RHOBTB3: variants seen among roughly 807,000 people sequenced by gnomAD.
RHOBTB3 encodes the protein rho-related BTB domain-containing protein 3.
A neutral mutation model predicts 67.2 loss-of-function variants in RHOBTB3; 47 were observed. The ratio of observed to expected loss-of-function variants is 0.70; its 90% confidence interval spans 0.55 to 0.89. The LOEUF is 0.89. Ranked by LOEUF, RHOBTB3 falls within the 40% of genes least tolerant of loss-of-function variation. The pLI is 0.00. For missense variants in RHOBTB3, 631 were observed against 750.0 expected, an observed-to-expected ratio of 0.84 and a Z score of 1.85; for synonymous variants, 273 against 274.2, an observed-to-expected ratio of 1.00 and a Z score of 0.04.
chr5:95,754,872 C>T (rs1474481317), intron 5 of RHOBTB3, among the ~76,000 whole-genome samples: 1 of 152,180 alleles, frequency 6.6e-6, no homozygotes, highest in African/African-American at 2.4e-5. Context: ...AGAAGTTGCA[C>T]AATTTTAACA....
At chr5:95,774,154 T>A (rs979439502) in intron 8 of RHOBTB3, among the ~76,000 whole-genome samples, 8 of 151,920 alleles carry the variant, frequency 5.3e-5, no homozygotes, top group Non-Finnish European at 1.0e-4. Context: ...ATTATGAACA[T>A]TTTTTTTAGA....
chr5:95,784,048 C>A, intron 10 of RHOBTB3, 85 bp downstream of exon 10: 3 of 1,142,532 alleles, frequency 2.6e-6, no homozygotes, highest in South Asian at 2.0e-5. Flanking sequence ...CATTTTTTAA[C>A]ATACGTTAAT....
Position 95,731,513 on chromosome 5 carries a change from C to G in RHOBTB3, c.-170C>G, listed in dbSNP as rs1257435274. 9.6e-6 allele frequency: 12 copies of G among 1,256,084 alleles called. No individual in the cohort carries two copies. The highest frequency in any genetic ancestry group is 1.1e-5 in the Non-Finnish European group (11 of 1,004,386). 77.8% of individuals were successfully genotyped at this position (1,256,084 alleles called of 1,614,324 possible). On this transcript the variant is annotated 5_prime_UTR_variant, in exon 1 of 12. Coordinates refer to ENST00000379982, the MANE Select transcript of RHOBTB3 (RefSeq NM_014899.4). ...CCCTGGTCCCCGGCTCGCTCGCTGG[C>G]TGGCGCGGCCCCGGCCCCGCTCTGC...
chr5:95,764,415 A>T (rs1318421810), intron 7 of RHOBTB3, among the ~76,000 whole-genome samples: 1 of 152,240 alleles, frequency 6.6e-6, no homozygotes, highest in African/African-American at 2.4e-5. Flanking sequence ...GATCTCATCA[A>T]TTATAGGTTC....
rs1003829979 is a variant in RHOBTB3, at chr5:95,795,925, G to A, written c.*2751G>A. 6.6e-6 allele frequency: 1 copy of A among 152,024 alleles called. No homozygotes were observed. Among genetic ancestry groups the A allele is most frequent in the African/African-American group, 2.4e-5 (1 of 41,436 alleles). The allele number at this position is 152,024 out of a possible 1,614,324, so 9.4% of individuals were successfully genotyped here. A position where few individuals can be genotyped will look rare whatever the true frequency, so the allele number is the denominator to read the frequency against. ...AGAAGATACTCTATGGTAGAACTAA[G>A]GCCTTTCCTTTCTTGGCCAAAGTCT... On this transcript the variant is annotated 3_prime_UTR_variant, in exon 12 of 12. Transcript: ENST00000379982.
chr5:95,793,893 T>C lies in RHOBTB3; in HGVS notation c.*719T>C, dbSNP rs1326525713. On this transcript the variant is annotated 3_prime_UTR_variant, in exon 12 of 12. Transcript: ENST00000379982. ...GTTCAAGGCTCTGCTATAGCGGAAA[T>C]TCTTAATAATGTTTGAAGAAGGGCC... 1 of 426,864 alleles carries C rather than the reference T, an allele frequency of 2.3e-6. No individual in the cohort carries two copies. The highest frequency in any genetic ancestry group is 2.0e-5 in the African/African-American group (1 of 48,884). 26.4% of individuals were successfully genotyped at this position (426,864 alleles called of 1,614,324 possible).
rs1386834933 is a variant in RHOBTB3, at chr5:95,794,031, A to T, written c.*857A>T. ...TCTCTGAAAGCAGAAAAAGGCACTG[A>T]TATAAAGGGAAGAGAAGGAGGCTCA... On this transcript the variant is annotated 3_prime_UTR_variant, in exon 12 of 12. Transcript: ENST00000379982. 2 of 456,264 alleles carry T rather than the reference A, an allele frequency of 4.4e-6. No individual in the cohort carries two copies. Among genetic ancestry groups the T allele is most frequent in the Admixed American group, 2.3e-5 (1 of 42,588 alleles). The allele number at this position is 456,264 out of a possible 1,614,324, so 28.3% of individuals were successfully genotyped here. A position where few individuals can be genotyped will look rare whatever the true frequency, so the allele number is the denominator to read the frequency against.
chr5:95,772,604 G>T (rs75236065), intron 8 of RHOBTB3, among the ~76,000 whole-genome samples: 3,072 of 152,086 alleles, frequency 0.02, 109 homozygotes, highest in African/African-American at 0.07. Context: ...CTCATTCTTT[G>T]TGTGTGTGCT....
intron 8 of RHOBTB3, among the ~76,000 whole-genome samples, chr5:95,776,189 C>T (rs1246421272): frequency 4.6e-5 from 7 of 152,102 alleles, no homozygotes; most frequent in Non-Finnish European, 8.8e-5. Context: ...GGTGGATCAC[C>T]TGAGGTCGGG....
chr5:95,782,454 G>A (rs1213176457), intron 9 of RHOBTB3: 1 of 152,184 alleles, frequency 6.6e-6, no homozygotes, highest in Non-Finnish European at 1.5e-5. Flanking sequence ...TGGAGATGGT[G>A]GTGGTGATGA....
intron 6 of RHOBTB3, 54 bp downstream of exon 6, chr5:95,755,815 A>T: frequency 6.3e-7 from 1 of 1,583,654 alleles, no homozygotes; most frequent in African/African-American, 1.3e-5. Flanking sequence ...TTGGAAATGA[A>T]ATGTGCCTGT....
chr5:95,732,367 G>C (rs1322691284), intron 2 of RHOBTB3: 3 of 577,282 alleles, frequency 5.2e-6, no homozygotes, highest in Non-Finnish European at 9.2e-6. Flanking sequence ...GCAGACAGTT[G>C]AATGTGCCAA....
At chr5:95,741,066 C>T (rs946377253) in intron 3 of RHOBTB3, among the ~76,000 whole-genome samples, 3 of 152,086 alleles carry the variant, frequency 2.0e-5, no homozygotes, top group Non-Finnish European at 2.9e-5. Flanking sequence ...CAGTGGCTCA[C>T]GCCTGTAATC....
intron 3 of RHOBTB3, among the ~76,000 whole-genome samples, chr5:95,740,848 T>C (rs1239138824): frequency 6.6e-6 from 1 of 152,072 alleles, no homozygotes; most frequent in Non-Finnish European, 1.5e-5. Context: ...CCCTAGATTT[T>C]ATAAACACAC....
intron 6 of RHOBTB3, chr5:95,755,990 T>C (rs1304386557): frequency 6.3e-6 from 3 of 477,006 alleles, no homozygotes; most frequent in African/African-American, 3.9e-5. Flanking sequence ...TTCATTTTAT[T>C]GTGGTAAAAT....
intron 4 of RHOBTB3, among the ~76,000 whole-genome samples, chr5:95,751,101 G>T (rs2112794534): frequency 6.6e-6 from 1 of 152,292 alleles, no homozygotes; most frequent in African/African-American, 2.4e-5. Flanking sequence ...GCAAGCTAGG[G>T]CACAGGCCTG....
chr5:95,721,100 T>C (rs190400499), intron 1 of RHOBTB3, among the ~76,000 whole-genome samples: 40 of 152,298 alleles, frequency 2.6e-4, no homozygotes, highest in Non-Finnish European at 4.3e-4. Context: ...ACACTATGAC[T>C]TAAAGGCAAA....
chr5:95,750,447 A>G (rs2112793780), intron 4 of RHOBTB3, among the ~76,000 whole-genome samples: 1 of 152,362 alleles, frequency 6.6e-6, no homozygotes, highest in African/African-American at 2.4e-5. Flanking sequence ...GAATTGAAAT[A>G]AAACCAAGTA....
rs57120385 is a variant in RHOBTB3, at chr5:95,722,774, C to T, written n.133+5009C>T. 8.2e-3 allele frequency among the ~76,000 whole-genome samples: 1,243 copies of T among 152,310 alleles called. 17 individuals carry two copies. The highest frequency in any genetic ancestry group is 0.028 in the African/African-American group (1,172 of 41,566). ...CTGGGATTATAGGCGTGAGCCACTGCGCCCAGCCTAAAAGAGTCTTATCGC... is the reference window on the plus strand; with the variant it reads ...CTGGGATTATAGGCGTGAGCCACTGTGCCCAGCCTAAAAGAGTCTTATCGC... On this transcript the variant is annotated intron_variant and non_coding_transcript_variant, in intron 1 of 5. Coordinates refer to the RHOBTB3 transcript ENST00000504949.
Sources: allele counts gnomAD v4.1 joint callset (sites outside exome capture counted in the v4.1 genomes callset), GRCh38; gene constraint gnomAD v4.1.1; transcripts MANE v1.5; gene names NCBI Gene and HGNC (gene_info 2026-07-23, HGNC 2026-07-21).